Variants in C2CD5 observed in about 807,000 individuals in gnomAD.
The protein encoded by C2CD5 is C2 calcium dependent domain containing 5.
Under a neutral mutation model 130.3 loss-of-function variants are expected in C2CD5, and 109 were observed. The ratio of observed to expected loss-of-function variants is 0.84; its 90% CI spans 0.72 to 0.98. The LOEUF is 0.98. C2CD5 is among the 50% of genes least tolerant of loss of function. The pLI, the probability that C2CD5 is intolerant of heterozygous loss-of-function variation, is 0.00. For missense variants in C2CD5, 996 were observed against 1,261.8 expected (o/e 0.79, Z 3.19); for synonymous variants, 454 against 429.2 (o/e 1.06, Z -0.71).
intron 2 of C2CD5, among the ~76,000 whole-genome samples, chr12:22,537,824 C>G (rs16925148): frequency 0.022 from 3,313 of 152,226 alleles, 112 homozygotes; most frequent in African/African-American, 0.075. Flanking sequence ...CCTAGAAAAA[C>G]ACAAGATGAC....
At chr12:22,460,890 T>C (rs1298589098) in intron 22 of C2CD5, among the ~76,000 whole-genome samples, 1 of 152,072 alleles carries the variant, frequency 6.6e-6, no homozygotes, top group African/African-American at 2.4e-5. Context: ...ACAGTTTTCA[T>C]AAAGCAACTG....
intron 22 of C2CD5, among the ~76,000 whole-genome samples, chr12:22,468,005 A>C (rs1007877060): frequency 6.6e-6 from 1 of 152,032 alleles, no homozygotes. Flanking sequence ...AGGGACCCCA[A>C]GTCCACAAAT....
rs751671232 is a variant in C2CD5, at chr12:22,524,584, T to C, written c.489A>G (p.Gly163=). The C allele has an allele frequency of 1.9e-6, 3 of 1,613,328 alleles. No individual in the cohort carries two copies. Among genetic ancestry groups the C allele is most frequent in the Middle Eastern group, 1.6e-4 (1 of 6,062 alleles). ...CATTGACCACAAGTTCTTCTACAAA[T>C]CCATGAATTATCACAGCTCTATAGC... The part of the protein sequence containing the change: ...PKCYRAVIIH[G]FVEELVVNED... Residue 163 remains glycine (G), a synonymous_variant, in exon 6 of 27, where the codon GGA becomes GGG. Coordinates refer to ENST00000446597, the MANE Select transcript of C2CD5 (RefSeq NM_001286176.2).
chr12:22,502,782 G>T, intron 10 of C2CD5: 1 of 1,531,852 alleles, frequency 6.5e-7, no homozygotes, highest in Non-Finnish European at 8.7e-7. Context: ...AAGATCTTGT[G>T]TTACCCATAA....
chr12:22,506,244 G>A (rs551012852), intron 10 of C2CD5, among the ~76,000 whole-genome samples: 2 of 152,230 alleles, frequency 1.3e-5, no homozygotes, highest in Admixed American at 6.5e-5. Flanking sequence ...GGGCTCAAGC[G>A]ATCCTCCTTG....
chr12:22,543,076 CTG>C (rs1242657748), intron 2 of C2CD5, among the ~76,000 whole-genome samples: 2 of 152,190 alleles, frequency 1.3e-5, no homozygotes, highest in Non-Finnish European at 2.9e-5. Flanking sequence ...AGGCAGTGAA[CTG>C]TAATTATTCG....
In C2CD5 at chr12:22,474,734, G is replaced by A; in HGVS notation, c.2043+17C>T. On this transcript the variant is annotated intron_variant, in intron 16 of 26. Transcript: ENST00000446597. The stretch of plus-strand genomic sequence containing the variant: ...AGCTTCCAAAACCTTTAAGAAATTA[G>A]TCCAATGCCACATTACCTCCAAAAC... 6.3e-7 allele frequency: 1 copy of A among 1,574,942 alleles called. No individual in the cohort carries two copies. The highest frequency in any genetic ancestry group is 1.4e-5 in the African/African-American group (1 of 73,320).
At chr12:22,520,915 A>G (rs980194369) in intron 7 of C2CD5, among the ~76,000 whole-genome samples, 27 of 152,142 alleles carry the variant, frequency 1.8e-4, no homozygotes, top group Non-Finnish European at 4.4e-5. Flanking sequence ...ACAGTGTAAA[A>G]TGTTCAAACT....
At chr12:22,476,854 A>G (rs1168209337) in intron 15 of C2CD5, among the ~76,000 whole-genome samples, 1 of 152,154 alleles carries the variant, frequency 6.6e-6, no homozygotes, top group Non-Finnish European at 1.5e-5. Flanking sequence ...CCTAACACAA[A>G]GCTTTACAAA....
chr12:22,527,655 A>G, intron 4 of C2CD5, 66 bp downstream of exon 4: 1 of 971,222 alleles, frequency 1.0e-6, no homozygotes, highest in Non-Finnish European at 1.5e-6. Flanking sequence ...TATAGCACAA[A>G]TGTCTTTAAG....
At chr12:22,515,355 A>C (rs773231648) in intron 8 of C2CD5, among the ~76,000 whole-genome samples, 3 of 152,200 alleles carry the variant, frequency 2.0e-5, no homozygotes, top group Non-Finnish European at 4.4e-5. Flanking sequence ...AAAACTTAAC[A>C]AAACCTTTAC....
intron 8 of C2CD5, 62 bp from the exon 9 acceptor site, chr12:22,513,441 G>A: frequency 2.1e-6 from 2 of 970,452 alleles, no homozygotes; most frequent in Non-Finnish European, 3.4e-6. Context: ...AAGTTTAATT[G>A]CATTCATCTT....
At chr12:22,500,624 G>A (rs1947647744) in intron 10 of C2CD5, among the ~76,000 whole-genome samples, 1 of 152,098 alleles carries the variant, frequency 6.6e-6, no homozygotes, top group African/African-American at 2.4e-5. Context: ...TGAAGGCAGG[G>A]GGACTGGCAA....
chr12:22,456,098 C>T (rs1050375278), intron 25 of C2CD5, among the ~76,000 whole-genome samples: 5 of 152,126 alleles, frequency 3.3e-5, no homozygotes, highest in East Asian at 1.9e-4. Context: ...CTGTGCTAGG[C>T]GCAGGATGGT....
At chr12:22,480,469 G>A (rs1187268405) in intron 14 of C2CD5, among the ~76,000 whole-genome samples, 1 of 152,184 alleles carries the variant, frequency 6.6e-6, no homozygotes. Flanking sequence ...TCAAACAGTG[G>A]TAGTTAACAG....
At chr12:22,527,330 ATTT>A (rs752914937) in intron 4 of C2CD5, among the ~76,000 whole-genome samples, 3 of 138,146 alleles carry the variant, frequency 2.2e-5, no homozygotes, top group Admixed American at 7.1e-5. Context: ...ATATATATAT[ATTT>A]TTTTTTTTTT....
intron 3 of C2CD5, among the ~76,000 whole-genome samples, chr12:22,533,694 G>A (rs1207850616): frequency 2.0e-5 from 3 of 152,162 alleles, no homozygotes; most frequent in Non-Finnish European, 4.4e-5. Context: ...GAAGAAGGGA[G>A]GAATGAAAAG....
chr12:22,513,645 GATGA>G (rs1949423646), intron 8 of C2CD5, among the ~76,000 whole-genome samples: 1 of 152,050 alleles, frequency 6.6e-6, no homozygotes, highest in Non-Finnish European at 1.5e-5. Context: ...ATGTAAAGGT[GATGA>G]ATCTTTGCAT....
At position 22,516,049 on chromosome 12, in the gene C2CD5, G is replaced by GA. The variant is rs74317886; in HGVS notation, c.952+1936dup. 2.7e-3 allele frequency among the ~76,000 whole-genome samples: 346 copies of GA among 129,992 alleles called. 1 individual carries two copies. The highest frequency in any genetic ancestry group is 0.012 in the Middle Eastern group (3 of 254). The allele number at this position is 129,992 out of a possible 152,430, so 85.3% of individuals were successfully genotyped here. A position where few individuals can be genotyped will look rare whatever the true frequency, so the allele number is the denominator to read the frequency against. ...GATAATGTAGCTTTAACTACAAACA[G>GA]AAAAAAAAAAAAACAACTTTCTCAG... On this transcript the variant is annotated intron_variant, in intron 8 of 26. Coordinates refer to ENST00000446597, the MANE Select transcript of C2CD5 (RefSeq NM_001286176.2).
Sources: allele counts gnomAD v4.1 joint callset (sites outside exome capture counted in the v4.1 genomes callset), GRCh38; gene constraint gnomAD v4.1.1; transcripts MANE v1.5; gene names NCBI Gene and HGNC (gene_info 2026-07-23, HGNC 2026-07-21).